The following SLC23A2 variants were observed in gnomAD, a reference collection of about 807,000 sequenced individuals.
The protein encoded by SLC23A2 is Na(+)/L-ascorbic acid transporter 2.
In SLC23A2, 36 loss-of-function variants were observed where a neutral mutation model predicts 73.3. The ratio of observed to expected loss-of-function variants is 0.49; its 90% CI spans 0.38 to 0.65. SLC23A2 has a LOEUF of 0.65. SLC23A2 is among the 30% of genes least tolerant of loss of function. The probability of loss-of-function intolerance (pLI) is 0.00; values close to 1 mark genes in which losing one functional copy is unlikely to be tolerated. For missense variants in SLC23A2, 507 were observed against 841.6 expected, an observed-to-expected ratio of 0.60 and a Z score of 4.92; for synonymous variants, 343 against 327.3, an observed-to-expected ratio of 1.05 and a Z score of -0.52.
intron 2 of SLC23A2, among the ~76,000 whole-genome samples, chr20:4,954,700 A>C (rs1343074666): frequency 6.9e-6 from 1 of 145,796 alleles, no homozygotes. Flanking sequence ...CTCCATCACA[A>C]AAAAAAAAAA....
chr20:5,000,156 A>AT (rs1387726536), intron 1 of SLC23A2, among the ~76,000 whole-genome samples: 1 of 152,088 alleles, frequency 6.6e-6, no homozygotes, highest in Non-Finnish European at 1.5e-5. Flanking sequence ...CAGAATTCTG[A>AT]TTTTTTGAGC....
At chr20:4,882,053 T>C (rs568438567) in intron 9 of SLC23A2, among the ~76,000 whole-genome samples, 2 of 152,292 alleles carry the variant, frequency 1.3e-5, no homozygotes, top group East Asian at 3.9e-4. Flanking sequence ...AAGAATGTTT[T>C]GACCAACCTT....
chr20:4,957,582 CAA>C (rs750802378), intron 2 of SLC23A2, among the ~76,000 whole-genome samples: 20 of 100,212 alleles, frequency 2.0e-4, no homozygotes, highest in Non-Finnish European at 2.4e-4. Flanking sequence ...ACTATAACCT[CAA>C]AAAAAAAAAA....
At chr20:4,981,617 T>C (rs1372017412) in intron 1 of SLC23A2, among the ~76,000 whole-genome samples, 9 of 152,162 alleles carry the variant, frequency 5.9e-5, no homozygotes, top group Admixed American at 5.9e-4. Context: ...AGATAATGAA[T>C]GTTCCATGGG....
At chr20:4,888,519 G>A (rs140534582) in intron 6 of SLC23A2, among the ~76,000 whole-genome samples, 1,544 of 152,192 alleles carry the variant, frequency 0.01, 15 homozygotes, top group Non-Finnish European at 0.015. Flanking sequence ...TTGACATGAC[G>A]AGATCCCATG....
intron 6 of SLC23A2, among the ~76,000 whole-genome samples, chr20:4,888,409 T>C (rs943455839): frequency 1.3e-5 from 2 of 152,338 alleles, no homozygotes; most frequent in East Asian, 3.9e-4. Context: ...ATCTTAAATA[T>C]GTGAAGAGGC....
upstream of SLC23A2, among the ~76,000 whole-genome samples, chr20:5,005,030 A>AATAAATAAATAT (rs1314052938): frequency 2.0e-5 from 3 of 150,826 alleles, no homozygotes; most frequent in East Asian, 5.8e-4. Flanking sequence ...TAAATAAATA[A>AATAAATAAATAT]ATAAATAAAA....
At chr20:4,977,775 G>C (rs965974270) in intron 1 of SLC23A2, among the ~76,000 whole-genome samples, 4 of 151,908 alleles carry the variant, frequency 2.6e-5, no homozygotes, top group Admixed American at 6.6e-5. Context: ...CTGAGCTCAA[G>C]TGATCCTCCT....
chr20:4,990,754 A>G (rs1054782338), intron 1 of SLC23A2, among the ~76,000 whole-genome samples: 1 of 150,968 alleles, frequency 6.6e-6, no homozygotes, highest in Non-Finnish European at 1.5e-5. Context: ...AGGCCAAGGC[A>G]GGTGGATCGC....
intron 3 of SLC23A2, among the ~76,000 whole-genome samples, chr20:4,929,116 T>G (rs1210480856): frequency 6.6e-6 from 1 of 151,706 alleles, no homozygotes; most frequent in Non-Finnish European, 1.5e-5. Context: ...TACACAAAAA[T>G]GTAGCCAGGC....
At chr20:4,881,541 AG>A (rs1930883811) in intron 9 of SLC23A2, among the ~76,000 whole-genome samples, 1 of 152,208 alleles carries the variant, frequency 6.6e-6, no homozygotes, top group Non-Finnish European at 1.5e-5. Flanking sequence ...CTATGTGCAC[AG>A]GCTTCCTCTT....
At chr20:4,982,937 C>T (rs1455352750) in intron 1 of SLC23A2, among the ~76,000 whole-genome samples, 1 of 152,000 alleles carries the variant, frequency 6.6e-6, no homozygotes, top group Non-Finnish European at 1.5e-5. Flanking sequence ...GAAACCCTGT[C>T]TCTACTAAAA....
intron 6 of SLC23A2, among the ~76,000 whole-genome samples, chr20:4,895,421 G>A (rs1231437372): frequency 3.3e-5 from 5 of 152,192 alleles, no homozygotes; most frequent in African/African-American, 1.2e-4. Flanking sequence ...CACAGCCTAT[G>A]ATGGATCTAT....
At chr20:4,870,136 G>C (rs1189878669) in intron 11 of SLC23A2, 83 bp from the exon 12 acceptor site, 1 of 1,134,720 alleles carries the variant, frequency 8.8e-7, no homozygotes, top group Non-Finnish European at 1.3e-6. Flanking sequence ...CATTCTGAAC[G>C]CTGCAAGACT....
At chr20:4,962,170 T>G (rs2087402022) in intron 2 of SLC23A2, among the ~76,000 whole-genome samples, 1 of 150,992 alleles carries the variant, frequency 6.6e-6, no homozygotes, top group South Asian at 2.1e-4. Context: ...AAAGTCCAGC[T>G]GAGCCCAGAA....
intron 12 of SLC23A2, chr20:4,869,671 G>A (rs1211322926): frequency 6.3e-6 from 3 of 473,096 alleles, no homozygotes; most frequent in Non-Finnish European, 1.1e-5. Context: ...ATTAAGGAAG[G>A]GTAGGAATTC....
chr20:4,953,611 G>A (rs889744237), intron 2 of SLC23A2, among the ~76,000 whole-genome samples: 10 of 152,112 alleles, frequency 6.6e-5, no homozygotes, highest in African/African-American at 1.2e-4. Context: ...AATGCCAGCC[G>A]GATGCAGTGG....
rs1165826349 is a variant in SLC23A2, at chr20:4,979,683, CA to C, written c.-281-8765del. 2.6e-5 allele frequency among the ~76,000 whole-genome samples: 4 copies of C among 152,044 alleles called. No individual in the cohort carries two copies. The East Asian group carries it at 7.7e-4, about 29-fold the overall frequency. On this transcript the variant is annotated intron_variant, in intron 1 of 16. Transcript: ENST00000338244. ...TCCAAGCATTATTTTAGCAGACAAG[CA>C]AATAAGAAATCTATAAAATACTTTA...
rs185657137 is a variant in SLC23A2 at position 4,859,238 on chromosome 20, A to G, written c.1720+51T>C. 6.5e-3 allele frequency: 7,089 copies of G among 1,098,358 alleles called. 68 individuals carry two copies. The highest frequency in any genetic ancestry group is 8.6e-3 in the Non-Finnish European group (6,281 of 731,134). The allele number at this position is 1,098,358 out of a possible 1,614,324, so 68.0% of individuals were successfully genotyped here. On this transcript the variant is annotated intron_variant, in intron 16 of 16. Coordinates refer to ENST00000338244, the MANE Select transcript of SLC23A2 (RefSeq NM_005116.6). ...TTCTATTTGGCAAAAAAAGTAACAC[A>G]TATGTTAAAAAATAAAAAAAAAAAA...
Sources: gnomAD v4.1 joint callset for allele counts (sites outside exome capture counted in the v4.1 genomes callset) on GRCh38, gnomAD v4.1.1 for gene constraint, MANE v1.5 for transcripts, NCBI Gene and HGNC (gene_info 2026-07-23, HGNC 2026-07-21) for gene names.